The following RNPEPL1 variants were observed in gnomAD, a reference collection of about 807,000 sequenced individuals.
RNPEPL1 encodes aminopeptidase RNPEPL1.
Under a neutral mutation model 69.0 loss-of-function variants are expected in RNPEPL1, and 46 were observed. The observed-to-expected ratio is 0.67, with a 90% CI of 0.53 to 0.85. The LOEUF (loss-of-function observed/expected upper bound fraction) is 0.85. Among genes scored for constraint, RNPEPL1 ranks in the 40% least tolerant of loss-of-function variants. RNPEPL1 has a pLI of 0.00. For missense variants in RNPEPL1, 869 were observed against 992.5 expected (o/e 0.88, Z 1.67); for synonymous variants, 525 against 454.1 (o/e 1.16, Z -1.98).
At chr2:240,570,331 G>A (rs145063921) in intron 1 of RNPEPL1, among the ~76,000 whole-genome samples, 3 of 152,322 alleles carry the variant, frequency 2.0e-5, no homozygotes, top group African/African-American at 4.8e-5. Context: ...TGGGTACTCT[G>A]GGCAGGGAGA....
Position 240,572,541 on chromosome 2 carries a change from G to T in RNPEPL1, c.647G>T (p.Cys216Phe). Residue 216 changes from cysteine to phenylalanine, a missense_variant, in exon 2 of 11, where the codon TGC becomes TTC. By Grantham distance (205) the Cys-to-Phe change is radical. Coordinates refer to ENST00000270357, the MANE Select transcript of RNPEPL1 (RefSeq NM_018226.6). The part of the protein sequence containing the change: ...FPCFDTPAVK[C>F]TYSAVVKAPS... ...TGCTTCGACACACCTGCCGTGAAGT[G>T]CACCTACTCTGCCGTCGTCAAGGTC... 2 of 1,536,226 alleles carry T rather than the reference G, an allele frequency of 1.3e-6. No individual in the cohort carries two copies.
chr2:240,576,710 C>T lies in RNPEPL1; in HGVS notation c.1686C>T (p.Thr562=), dbSNP rs1559417825. Residue 562 remains threonine (T), a synonymous_variant, in exon 9 of 11, where the codon ACC becomes ACT. Coordinates refer to ENST00000270357, the MANE Select transcript of RNPEPL1 (RefSeq NM_018226.6). ...CCATTGACATCTCCAAGTGGAGGAC[C>T]TTCCAGACAGCACTCTTCCTGGACC... is the stretch of plus-strand genomic sequence containing the variant. ...ASAIDISKWR[T]FQTALFLDRL... is the part of the protein sequence containing the mutation. The T allele has an allele frequency of 1.2e-6, 2 of 1,612,896 alleles. No individual in the cohort carries two copies.
In RNPEPL1 at chr2:240,578,278, C is replaced by T. The variant is rs2093043750; in HGVS notation, c.*386C>T. The stretch of plus-strand genomic sequence containing the variant: ...CCTTAATGTCTGCCGGGGGCCCAGG[C>T]TGTGCTGTCCCTGCAGCACGCCTCC... On this transcript the variant is annotated 3_prime_UTR_variant, in exon 11 of 11. Transcript: ENST00000270357. 1.1e-5 allele frequency: 2 copies of T among 175,966 alleles called. No individual in the cohort carries two copies. Among genetic ancestry groups the T allele is most frequent in the Non-Finnish European group, 2.4e-5 (2 of 83,984 alleles). The allele number at this position is 175,966 out of a possible 1,614,324, so 10.9% of individuals were successfully genotyped here.
intron 8 of RNPEPL1, 147 bp downstream of exon 8, chr2:240,575,757 G>T: frequency 1.5e-6 from 1 of 665,646 alleles, no homozygotes. Flanking sequence ...GACCATGTGG[G>T]CCCCAGGCTG....
chr2:240,576,848 A>T lies in RNPEPL1; in HGVS notation c.1742A>T (p.Glu581Val), dbSNP rs751910843. The T allele has an allele frequency of 6.8e-6, 11 of 1,612,854 alleles. No individual in the cohort carries two copies. Among genetic ancestry groups the T allele is most frequent in the Non-Finnish European group, 8.5e-6 (10 of 1,179,964 alleles). ...CCCTGACCTGCCCCCTGCGCTGCAG[A>T]GGTGGTGATGAGCCTGTCCAAGTGC... Reference protein sequence around the residue: ...RLLDGSPLPQEVVMSLSKCYS... With the variant: ...RLLDGSPLPQVVVMSLSKCYS... The change falls in exon 10 of 11, where the codon GAG (glutamate) becomes GTG (valine). Residue 581 changes from glutamate to valine, a missense_variant and splice_region_variant. Transcript: ENST00000270357.
rs777981433 is a variant in RNPEPL1, at chr2:240,574,351, G to A, written c.1174+3G>A. On this transcript the variant is annotated splice_donor_region_variant and intron_variant, in intron 5 of 10. Coordinates refer to ENST00000270357, the MANE Select transcript of RNPEPL1 (RefSeq NM_018226.6). ...CCGTATCACCACCGAGACCTACGGT[G>A]CGGCCAGGGCCGGGGAGGGCAGCCA... The A allele has an allele frequency of 5.6e-6, 9 of 1,595,692 alleles. No homozygotes were observed. In the South Asian group the frequency reaches 7.7e-5, roughly 14 times the overall value.
intron 7 of RNPEPL1, 22 bp downstream of exon 7, chr2:240,575,164 A>T: frequency 6.3e-7 from 1 of 1,590,866 alleles, no homozygotes; most frequent in Non-Finnish European, 8.6e-7. Context: ...CCTGCCCGGG[A>T]CGGCCCTGCT....
intron 4 of RNPEPL1, 102 bp from the exon 5 acceptor site, chr2:240,574,011 A>G: frequency 2.2e-6 from 3 of 1,393,834 alleles, no homozygotes; most frequent in South Asian, 2.6e-5. Context: ...AGCTCACCGC[A>G]GGGGCTGGGC....
intron 1 of RNPEPL1, 60 bp downstream of exon 1, chr2:240,569,174 C>G (rs1197107041): frequency 1.5e-6 from 2 of 1,367,294 alleles, no homozygotes; most frequent in African/African-American, 3.1e-5. Flanking sequence ...CTAGCGGCCT[C>G]TCGCCGCACG....
rs766391587 is a variant in RNPEPL1, at chr2:240,576,529, C to T, written c.1511-6C>T. On this transcript the variant is annotated splice_polypyrimidine_tract_variant and splice_region_variant and intron_variant, in intron 8 of 10. Transcript: ENST00000270357. ...CAGGGACCCCAGGGTCACTTCTCCC[C>T]TCTAGGGCTGGAATTCGAGCGCTGG... 14 of 1,607,906 alleles carry T rather than the reference C, an allele frequency of 8.7e-6. No individual in the cohort carries two copies. The highest frequency in any genetic ancestry group is 2.7e-5 in the African/African-American group (2 of 74,894).
Position 240,575,011 on chromosome 2 carries a change from G to T in RNPEPL1, c.1289-19G>T. ...CTGGTGGTTTCGGACGCCAGCCCAG[G>T]TGGGTGTTCACCTTGCAGGAGTGAA... On this transcript the variant is annotated intron_variant, in intron 6 of 10. Coordinates refer to ENST00000270357, the MANE Select transcript of RNPEPL1 (RefSeq NM_018226.6). The T allele has an allele frequency of 6.3e-7, 1 of 1,597,528 alleles. No homozygotes were observed. Among genetic ancestry groups the T allele is most frequent in the South Asian group, 1.1e-5 (1 of 90,776 alleles).
Position 240,573,053 on chromosome 2 carries a change from G to C in RNPEPL1, c.670-57G>C, listed in dbSNP as rs2001823. The C allele has an allele frequency of 3.7e-5, 55 of 1,497,088 alleles. No homozygotes were observed. In the South Asian group the frequency reaches 6.0e-4, roughly 16 times the overall value. 92.7% of individuals were successfully genotyped at this position (1,497,088 alleles called of 1,614,324 possible). A position where few individuals can be genotyped will look rare whatever the true frequency, so the allele number is the denominator to read the frequency against. ...GGGCTGCCTGACAGGCTCCCCGGCC[G>C]GGGCTATGGGTGTGCTGACGGTGGG... On this transcript the variant is annotated intron_variant, in intron 2 of 10. Transcript: ENST00000270357.
chr2:240,576,135 T>G, intron 8 of RNPEPL1: 1 of 277,688 alleles, frequency 3.6e-6, no homozygotes, highest in East Asian at 8.3e-5. Flanking sequence ...TTTTTGTGGG[T>G]AGGGAATGGG....
chr2:240,568,867 C>T lies in RNPEPL1; in HGVS notation c.281C>T (p.Pro94Leu). ...CACTCAGCCGCCTTCCGTCGCGCCC[C>T]CGCCGCCGCCGCCGAGACGCCCTGC... ...RLHSAAFRRA[P>L]AAAAETPCAF... The change falls in exon 1 of 11, where the codon CCC becomes CTC. Residue 94 changes from proline (P) to leucine (L), a missense_variant. Pro to Leu is a moderately conservative substitution (Grantham distance 98). This residue lies in a region of RNPEPL1 where 259 missense variants were observed against 201.5 expected (regional missense o/e 1.29). Transcript: ENST00000270357. The surrounding 1 kb of genome is among the most constrained non-coding windows in gnomAD (Gnocchi z 6.2). 8.5e-7 allele frequency: 1 copy of T among 1,181,686 alleles called. No individual in the cohort carries two copies. The allele number at this position is 1,181,686 out of a possible 1,614,324, so 73.2% of individuals were successfully genotyped here.
At position 240,568,989 on chromosome 2, in the gene RNPEPL1, C is replaced by A; in HGVS notation, c.403C>A (p.Leu135Met). Residue 135 changes from leucine (L) to methionine (M), a missense_variant, in exon 1 of 11, where the codon CTG becomes ATG. Leu to Met is a conservative substitution (Grantham distance 15). Coordinates refer to ENST00000270357, the MANE Select transcript of RNPEPL1 (RefSeq NM_018226.6). This position sits in a 1 kb window ranked among gnomAD's most constrained non-coding sequence, Gnocchi z 6.2. ...APGSEPACCP[L>M]AFRVDPFTDY... ...CGGCTCCGAGCCCGCCTGCTGTCCG[C>A]TGGCCTTCAGGGTGGACCCGTTCAC... 6.7e-7 allele frequency: 1 copy of A among 1,485,622 alleles called. No homozygotes were observed. Among genetic ancestry groups the A allele is most frequent in the South Asian group, 1.3e-5 (1 of 79,466 alleles). The allele number at this position is 1,485,622 out of a possible 1,614,324, so 92.0% of individuals were successfully genotyped here.
At position 240,580,898 on chromosome 2, in the gene RNPEPL1, C is replaced by G. The variant is rs1057232168; in HGVS notation, c.*3006C>G. The G allele has an allele frequency of 1.3e-5, 2 of 152,170 alleles. No individual in the cohort carries two copies. The highest frequency in any genetic ancestry group is 2.9e-5 in the Non-Finnish European group (2 of 68,020). The allele number at this position is 152,170 out of a possible 1,614,324, so 9.4% of individuals were successfully genotyped here. ...GCCTGAAAAAACAGTGAAGGAGACC[C>G]ATGCAAATTTCTAGGCCCTGGAGGT... On this transcript the variant is annotated 3_prime_UTR_variant, in exon 11 of 11. Coordinates refer to ENST00000270357, the MANE Select transcript of RNPEPL1 (RefSeq NM_018226.6).
rs2093026947 is a variant in RNPEPL1, at chr2:240,573,125, C to G, written c.685C>G (p.Gln229Glu). 1 of 1,608,058 alleles carries G rather than the reference C, an allele frequency of 6.2e-7. No individual in the cohort carries two copies. The highest frequency in any genetic ancestry group is 8.5e-7 in the Non-Finnish European group (1 of 1,177,754). ...CTCCTTACAGGCGCCATCGGGGGTG[C>G]AGGTGCTGATGAGTGCCACCCGGAG... ...SAVVKAPSGV[Q>E]VLMSATRSAY... Residue 229 changes from glutamine to glutamate, a missense_variant, in exon 3 of 11, where the codon CAG becomes GAG. Gln to Glu is a conservative substitution (Grantham distance 29). Around this residue, in one of 2 missense-constraint regions of RNPEPL1, gnomAD observed 610 missense variants for 790.9 expected, o/e 0.77. Transcript: ENST00000270357.
chr2:240,574,967 C>T, intron 6 of RNPEPL1, 63 bp from the exon 7 acceptor site: 1 of 1,259,934 alleles, frequency 7.9e-7, no homozygotes, highest in South Asian at 1.2e-5. Context: ...ACCACTGCCC[C>T]TCCCTATTCC....
chr2:240,568,523 C>T lies in RNPEPL1; in HGVS notation c.-64C>T. The T allele has an allele frequency of 1.2e-6, 1 of 800,016 alleles. No homozygotes were observed. Among genetic ancestry groups the T allele is most frequent in the Non-Finnish European group, 1.5e-6 (1 of 664,632 alleles). 49.6% of individuals were successfully genotyped at this position (800,016 alleles called of 1,614,324 possible). A position where few individuals can be genotyped will look rare whatever the true frequency, so the allele number is the denominator to read the frequency against. On this transcript the variant is annotated 5_prime_UTR_variant, in exon 1 of 11. Transcript: ENST00000270357. The surrounding 1 kb of genome is among the most constrained non-coding windows in gnomAD (Gnocchi z 6.2). ...CCCGCGCCCCGCCGCCGCCGCCGCCCGGCGCCCCTCGCCCGCGGCCCGGCG... is the reference window on the plus strand; with the variant it reads ...CCCGCGCCCCGCCGCCGCCGCCGCCTGGCGCCCCTCGCCCGCGGCCCGGCG...
Sources: allele counts gnomAD v4.1 joint callset (sites outside exome capture counted in the v4.1 genomes callset), GRCh38; gene constraint gnomAD v4.1.1; regional missense constraint gnomAD v4.1.1; non-coding constraint Gnocchi (gnomAD v3.1); transcripts MANE v1.5; gene names NCBI Gene and HGNC (gene_info 2026-07-23, HGNC 2026-07-21).